Variants in ANKRD30BL observed in about 807,000 individuals in gnomAD.
The protein encoded by ANKRD30BL is putative ankyrin repeat domain-containing protein 30B-like.
ANKRD30BL carries 20 observed loss-of-function variants against 18.4 expected under a neutral mutation model. The ratio of observed to expected loss-of-function variants is 1.09; its 90% CI spans 0.77 to 1.58. The LOEUF is 1.58. Among genes scored for constraint, ANKRD30BL ranks in the 40% most tolerant of loss-of-function variants. The pLI, the probability that ANKRD30BL is intolerant of heterozygous loss-of-function variation, is 0.00. For synonymous variants in ANKRD30BL, 72 were observed against 100.9 expected (o/e 0.71, Z 1.72); for missense variants, 224 against 268.6 (o/e 0.83, Z 1.16).
At chr2:132,160,378 G>A (rs1183386034) in intron 1 of ANKRD30BL, among the ~76,000 whole-genome samples, 1 of 148,126 alleles carries the variant, frequency 6.8e-6, no homozygotes, top group Non-Finnish European at 1.5e-5. Flanking sequence ...TGGGACTACA[G>A]GCATGAGCCA....
upstream of ANKRD30BL, among the ~76,000 whole-genome samples, chr2:132,165,657 G>T (rs181315351): frequency 6.6e-6 from 1 of 151,924 alleles, no homozygotes; most frequent in Non-Finnish European, 1.5e-5. Context: ...AGGAGGTGGA[G>T]GTTGCAGTAT....
chr2:132,152,448 A>G (rs965716410), intron 4 of ANKRD30BL: 2 of 152,210 alleles, frequency 1.3e-5, no homozygotes, highest in Non-Finnish European at 1.5e-5. Flanking sequence ...AGTCTATTGA[A>G]TGGCTTCATG....
intron 1 of ANKRD30BL, among the ~76,000 whole-genome samples, chr2:132,205,302 G>C (rs1679188849): frequency 6.6e-6 from 1 of 151,918 alleles, no homozygotes; most frequent in African/African-American, 2.4e-5. Flanking sequence ...AAACTAGGCA[G>C]CAAGGAGTTA....
At position 132,161,566 on chromosome 2, in the gene ANKRD30BL, G is replaced by C; in HGVS notation, c.140C>G (p.Ser47Cys). 1 of 1,456,852 alleles carries C rather than the reference G, an allele frequency of 6.9e-7. No homozygotes were observed. Among genetic ancestry groups the C allele is most frequent in the East Asian group, 2.5e-5 (1 of 40,442 alleles). The allele number at this position is 1,456,852 out of a possible 1,614,324, so 90.2% of individuals were successfully genotyped here. ...GDLRKIHKAA[S>C]RGQAWKLERM... is the part of the protein sequence containing the mutation. ...CTCCAGCTTCCAGGCTTGGCCCCGG[G>C]AGGCAGCTTTGTGGATCTTCCTGAG... The change falls in exon 1 of 6, where the codon TCC becomes TGC. Residue 47 changes from serine to cysteine, a missense_variant. Ser to Cys is a moderately radical substitution (Grantham distance 112, BLOSUM62 -1). Around this residue, in one of 3 missense-constraint regions of ANKRD30BL, gnomAD observed 131 missense variants for 128.8 expected, o/e 1.02. Coordinates refer to ENST00000409867, the MANE Select transcript of ANKRD30BL (RefSeq NM_001358416.1).
At chr2:132,185,146 C>T (rs1688541466) in intron 1 of ANKRD30BL, among the ~76,000 whole-genome samples, 1 of 152,132 alleles carries the variant, frequency 6.6e-6, no homozygotes, top group South Asian at 2.1e-4. Context: ...TATCATAAGA[C>T]TAGTAGGTGT....
At chr2:132,244,963 A>C (rs1425327901) in intron 1 of ANKRD30BL, among the ~76,000 whole-genome samples, 2 of 152,306 alleles carry the variant, frequency 1.3e-5, no homozygotes, top group Admixed American at 6.5e-5. Flanking sequence ...CATTCTCAGA[A>C]ACTTCTTTGT....
At chr2:132,200,729 T>C (rs2104747108) in intron 1 of ANKRD30BL, among the ~76,000 whole-genome samples, 1 of 152,162 alleles carries the variant, frequency 6.6e-6, no homozygotes, top group African/African-American at 2.4e-5. Context: ...CCAAGGTAAT[T>C]TACACATTCA....
intron 1 of ANKRD30BL, among the ~76,000 whole-genome samples, chr2:132,222,832 T>TAAAAAAACAAAAAAAAAAAAAAA (rs1679728589): frequency 1.9e-5 from 1 of 52,808 alleles, no homozygotes; most frequent in South Asian, 1.9e-3. Context: ...GAATGATCAA[T>TAAAAAAACAAAAAAAAAAAAAAA]AAAAAAAAAA....
At chr2:132,214,430 C>G (rs2104761594) in intron 1 of ANKRD30BL, among the ~76,000 whole-genome samples, 2 of 152,036 alleles carry the variant, frequency 1.3e-5, no homozygotes, top group East Asian at 3.9e-4. Flanking sequence ...AGTTTGGAAA[C>G]ACTCTTTTTG....
At chr2:132,171,840 C>G (rs1688289318) in intron 1 of ANKRD30BL, among the ~76,000 whole-genome samples, 1 of 152,162 alleles carries the variant, frequency 6.6e-6, no homozygotes, top group Non-Finnish European at 1.5e-5. Context: ...ACTCTTTAAT[C>G]ATCCCATATA....
intron 1 of ANKRD30BL, among the ~76,000 whole-genome samples, chr2:132,219,220 C>T (rs1679599177): frequency 6.6e-6 from 1 of 151,966 alleles, no homozygotes; most frequent in South Asian, 2.1e-4. Context: ...TTTGGACATA[C>T]TGTATCATAG....
chr2:132,239,474 G>A (rs796092230), intron 1 of ANKRD30BL, among the ~76,000 whole-genome samples: 1 of 150,900 alleles, frequency 6.6e-6, no homozygotes, highest in African/African-American at 2.4e-5. Flanking sequence ...ATCTTCCCAT[G>A]AAAAGTACAC....
At chr2:132,202,483 A>G (rs1351133534) in intron 1 of ANKRD30BL, among the ~76,000 whole-genome samples, 6 of 151,912 alleles carry the variant, frequency 3.9e-5, no homozygotes, top group Non-Finnish European at 7.4e-5. Context: ...AAATTTAAAA[A>G]ATCAAGTAAT....
chr2:132,171,993 A>T (rs1186124011), intron 1 of ANKRD30BL, among the ~76,000 whole-genome samples: 1 of 152,228 alleles, frequency 6.6e-6, no homozygotes, highest in Non-Finnish European at 1.5e-5. Flanking sequence ...CACTAAGCAT[A>T]GTGTTTTCAA....
chr2:132,169,986 G>A (rs1248397956), intron 1 of ANKRD30BL, among the ~76,000 whole-genome samples: 1 of 152,026 alleles, frequency 6.6e-6, no homozygotes, highest in African/African-American at 2.4e-5. Context: ...CTCATTGGTA[G>A]ATAATTTTAT....
intron 1 of ANKRD30BL, among the ~76,000 whole-genome samples, chr2:132,205,607 AAAAAAAG>A (rs1324085685): frequency 2.6e-5 from 4 of 151,554 alleles, no homozygotes; most frequent in African/African-American, 7.3e-5. Context: ...GTCTCAAAAA[AAAAAAAG>A]AAAAAAGAAA....
At chr2:132,181,848 A>G (rs1244379663) in intron 1 of ANKRD30BL, among the ~76,000 whole-genome samples, 3 of 152,190 alleles carry the variant, frequency 2.0e-5, no homozygotes, top group South Asian at 2.1e-4. Context: ...GCGGTGGCTC[A>G]CACCTGTAAT....
chr2:132,150,358 T>G (rs753160798), intron 5 of ANKRD30BL, among the ~76,000 whole-genome samples: 37 of 151,946 alleles, frequency 2.4e-4, no homozygotes, highest in Non-Finnish European at 2.1e-4. Context: ...GTTATAATAT[T>G]CAAATGTTGC....
intron 1 of ANKRD30BL, among the ~76,000 whole-genome samples, chr2:132,246,913 T>C (rs1418029153): frequency 3.3e-5 from 5 of 151,402 alleles, no homozygotes; most frequent in Admixed American, 6.6e-5. Context: ...TGAAACACTC[T>C]TTTTGTAGTA....
Sources: gnomAD v4.1 joint callset for allele counts (sites outside exome capture counted in the v4.1 genomes callset) on GRCh38, gnomAD v4.1.1 for gene constraint, gnomAD v4.1.1 regional missense constraint, MANE v1.5 for transcripts, NCBI Gene and HGNC (gene_info 2026-07-23, HGNC 2026-07-21) for gene names.